The following ITPK1 variants were observed in gnomAD, a reference collection of about 807,000 sequenced individuals.
ITPK1 encodes the protein inositol 1,3,4-trisphosphate 5/6-kinase.
Under a neutral mutation model 45.3 loss-of-function variants are expected in ITPK1, and 21 were observed. That is an observed-to-expected ratio of 0.46 (90% CI 0.33 to 0.67). The LOEUF (loss-of-function observed/expected upper bound fraction) is 0.67. Ranked by LOEUF, ITPK1 falls within the 30% of genes least tolerant of loss-of-function variation. The pLI is 0.02. For missense variants in ITPK1, 474 were observed against 573.5 expected, an observed-to-expected ratio of 0.83 and a Z score of 1.77; for synonymous variants, 258 against 253.6, an observed-to-expected ratio of 1.02 and a Z score of -0.16.
intron 5 of ITPK1, among the ~76,000 whole-genome samples, chr14:92,976,244 A>G (rs1355323712): frequency 6.6e-6 from 1 of 152,170 alleles, no homozygotes; most frequent in Non-Finnish European, 1.5e-5. Flanking sequence ...CTCAGTCTCT[A>G]TTTCTTACAT....
At chr14:92,951,765 T>C (rs1887962726) in intron 9 of ITPK1, among the ~76,000 whole-genome samples, 181 bp downstream of exon 9, 1 of 151,826 alleles carries the variant, frequency 6.6e-6, no homozygotes, top group African/African-American at 2.4e-5. Flanking sequence ...GCATGAAAAC[T>C]CGAAGCAAGC....
At chr14:93,071,980 T>C (rs1265439660) in intron 3 of ITPK1, 1 of 152,046 alleles carries the variant, frequency 6.6e-6, no homozygotes, top group Non-Finnish European at 1.5e-5. Flanking sequence ...CAAAATTGTA[T>C]AAGAAATAAC....
chr14:93,001,945 T>C (rs537098492), intron 4 of ITPK1, among the ~76,000 whole-genome samples: 1 of 152,306 alleles, frequency 6.6e-6, no homozygotes, highest in East Asian at 1.9e-4. Context: ...GGGTGAGTTA[T>C]AAACATGCTC....
chr14:92,953,688 G>C (rs898502095), intron 8 of ITPK1, among the ~76,000 whole-genome samples: 1 of 152,216 alleles, frequency 6.6e-6, no homozygotes, highest in Non-Finnish European at 1.5e-5. Context: ...CAAAGATCAG[G>C]GAGGTTGGGA....
chr14:93,025,022 GC>G (rs1002308218), intron 3 of ITPK1, among the ~76,000 whole-genome samples: 1 of 152,180 alleles, frequency 6.6e-6, no homozygotes, highest in African/African-American at 2.4e-5. Flanking sequence ...ACCCAGACTT[GC>G]CCCAGTTCCA....
In ITPK1 at chr14:93,109,933, A is replaced by C. The variant is rs186708167; in HGVS notation, c.95+5136T>G. Among the ~76,000 whole-genome samples the C allele has an allele frequency of 7.9e-5, 12 of 152,238 alleles. No individual in the cohort carries two copies. The East Asian group carries it at 1.7e-3, about 22-fold the overall frequency. ...GGCATCCATGGGCAGAGACCCACTC[A>C]CTCACTCCACAGGGACGACGACAGC... is the stretch of plus-strand genomic sequence containing the variant. On this transcript the variant is annotated intron_variant, in intron 2 of 10. Transcript: ENST00000267615.
chr14:93,097,158 C>T (rs1278912943), intron 2 of ITPK1, among the ~76,000 whole-genome samples: 2 of 152,222 alleles, frequency 1.3e-5, no homozygotes, highest in East Asian at 1.9e-4. Flanking sequence ...CGCGCAGACC[C>T]GGATCACACA....
At position 93,014,109 on chromosome 14, in the gene ITPK1, C is replaced by T. The variant is rs1429183417; in HGVS notation, c.246+2567G>A. 6.6e-6 allele frequency among the ~76,000 whole-genome samples: 1 copy of T among 152,226 alleles called. No individual in the cohort carries two copies. The highest frequency in any genetic ancestry group is 2.4e-5 in the African/African-American group (1 of 41,456). ...AGATATCCGGCCTCTTACTGAAGCA[C>T]AGACGGTGATGAAAATTTATCCCAG... On this transcript the variant is annotated intron_variant, in intron 4 of 10. Coordinates refer to ENST00000267615, the MANE Select transcript of ITPK1 (RefSeq NM_014216.6). This position sits in a 1 kb window ranked among gnomAD's most constrained non-coding sequence, Gnocchi z 4.4.
At chr14:93,045,522 C>G (rs745987826) in intron 3 of ITPK1, among the ~76,000 whole-genome samples, 1 of 152,290 alleles carries the variant, frequency 6.6e-6, no homozygotes, top group Middle Eastern at 3.4e-3. Context: ...TTAGATGGCA[C>G]GTGCCTGTAG....
intron 3 of ITPK1, among the ~76,000 whole-genome samples, chr14:93,061,078 A>G (rs930100114): frequency 1.3e-5 from 2 of 152,146 alleles, no homozygotes; most frequent in Non-Finnish European, 2.9e-5. Flanking sequence ...TGGAGGGATC[A>G]CTCCAAAAGA....
chr14:93,040,946 G>A (rs1454934306), intron 3 of ITPK1, among the ~76,000 whole-genome samples: 4 of 152,148 alleles, frequency 2.6e-5, no homozygotes, highest in Admixed American at 1.3e-4. Context: ...CCTACATCTC[G>A]AGGTGTCGTG....
chr14:93,009,332 C>A (rs1887775690), intron 4 of ITPK1, among the ~76,000 whole-genome samples: 1 of 152,200 alleles, frequency 6.6e-6, no homozygotes, highest in Non-Finnish European at 1.5e-5. Flanking sequence ...AAAACCCTGA[C>A]CGTCCACACA....
At chr14:93,083,394 C>T (rs1388983747) in intron 2 of ITPK1, among the ~76,000 whole-genome samples, 7 of 152,132 alleles carry the variant, frequency 4.6e-5, no homozygotes, top group Non-Finnish European at 1.0e-4. Context: ...AGAGGCCCTC[C>T]CCAGGGCAGG....
intron 3 of ITPK1, among the ~76,000 whole-genome samples, chr14:93,072,887 A>G (rs1279823474): frequency 6.6e-6 from 1 of 152,234 alleles, no homozygotes; most frequent in Non-Finnish European, 1.5e-5. Context: ...AACAAAGGTC[A>G]TTCTTAATGT....
chr14:93,026,837 G>A (rs1888759323), intron 3 of ITPK1, among the ~76,000 whole-genome samples: 1 of 152,158 alleles, frequency 6.6e-6, no homozygotes, highest in South Asian at 2.1e-4. Flanking sequence ...CGATCACTGA[G>A]TATACCATGC....
intron 5 of ITPK1, among the ~76,000 whole-genome samples, chr14:92,981,522 C>T (rs1342034529): frequency 6.6e-6 from 1 of 152,208 alleles, no homozygotes; most frequent in East Asian, 1.9e-4. Context: ...TGGCCCCGAG[C>T]CCATGACCCC....
rs1595118837 is a variant in ITPK1 at position 92,993,811 on chromosome 14, A to G, written c.364+69T>C. 1.1e-5 allele frequency: 11 copies of G among 961,450 alleles called. No homozygotes were observed. In the East Asian group the frequency reaches 2.6e-4, roughly 23 times the overall value. 59.6% of individuals were successfully genotyped at this position (961,450 alleles called of 1,614,324 possible). A position where few individuals can be genotyped will look rare whatever the true frequency, so the allele number is the denominator to read the frequency against. ...CAAGACCCCTCTGTCTCCACACCTC[A>G]GGCCGTGGCCACTTTGTGACCACAA... On this transcript the variant is annotated intron_variant, in intron 5 of 10. Transcript: ENST00000267615.
In ITPK1 at chr14:92,969,420, G is replaced by A. The variant is rs570237356; in HGVS notation, c.365-6571C>T. Among the ~76,000 whole-genome samples the A allele has an allele frequency of 1.8e-4, 27 of 152,312 alleles. No individual in the cohort carries two copies. The South Asian group carries it at 4.4e-3, about 25-fold the overall frequency. On this transcript the variant is annotated intron_variant, in intron 5 of 10. Coordinates refer to ENST00000267615, the MANE Select transcript of ITPK1 (RefSeq NM_014216.6). ...TGGGGAGGCGCCAACGAGGCACAGGGAACAGCCGGTGCAAAGGCCCAACCT... is the reference window on the plus strand; with the variant it reads ...TGGGGAGGCGCCAACGAGGCACAGGAAACAGCCGGTGCAAAGGCCCAACCT...
intron 3 of ITPK1, among the ~76,000 whole-genome samples, chr14:93,072,899 C>T (rs1376068788): frequency 6.6e-6 from 1 of 152,236 alleles, no homozygotes; most frequent in Non-Finnish European, 1.5e-5. Flanking sequence ...TCTTAATGTG[C>T]TATCAGCTGA....
Sources: gnomAD v4.1 joint callset for allele counts (sites outside exome capture counted in the v4.1 genomes callset) on GRCh38, gnomAD v4.1.1 for gene constraint, Gnocchi (gnomAD v3.1) non-coding constraint, MANE v1.5 for transcripts, NCBI Gene and HGNC (gene_info 2026-07-23, HGNC 2026-07-21) for gene names.